Variants in LTV1 observed in about 807,000 individuals in gnomAD.
The protein encoded by LTV1 is LTV1 ribosome biogenesis factor, also known as protein LTV1 homolog.
LTV1 carries 39 observed loss-of-function variants against 59.9 expected under a neutral mutation model. That is an observed-to-expected ratio of 0.65 (90% CI 0.50 to 0.85). The LOEUF is 0.85. Among genes scored for constraint, LTV1 ranks in the 40% least tolerant of loss-of-function variants. The pLI is 0.00. For missense variants in LTV1, 493 were observed against 549.1 expected, an observed-to-expected ratio of 0.90 and a Z score of 1.02; for synonymous variants, 171 against 189.5, an observed-to-expected ratio of 0.90 and a Z score of 0.80.
At chr6:143,860,194 A>C (rs1777139090) in intron 6 of LTV1, among the ~76,000 whole-genome samples, 1 of 152,232 alleles carries the variant, frequency 6.6e-6, no homozygotes. Flanking sequence ...TTTCATTTAC[A>C]TGTTAAATGG....
intron 4 of LTV1, among the ~76,000 whole-genome samples, chr6:143,852,004 T>C (rs934321939): frequency 3.9e-5 from 6 of 152,216 alleles, no homozygotes; most frequent in Admixed American, 2.0e-4. Context: ...TCCAAGTCTT[T>C]GCTATTGTGA....
At position 143,863,167 on chromosome 6, in the gene LTV1, G is replaced by GA; in HGVS notation, c.1201dup (p.Arg401LysfsTer6). ...GAAAGGACTCACAGCAAAGCAAACT[G>GA]AAAGAATACAGATGATTAATGGCAG... On this transcript the variant is annotated frameshift_variant, in exon 10 of 11. Coordinates refer to ENST00000367576, the MANE Select transcript of LTV1 (RefSeq NM_032860.5). LOFTEE classifies it high-confidence loss of function. This position sits in a 1 kb window ranked among gnomAD's most constrained non-coding sequence, Gnocchi z 4.5. The GA allele has an allele frequency of 6.2e-7, 1 of 1,613,906 alleles. No homozygotes were observed. Among genetic ancestry groups the GA allele is most frequent in the Non-Finnish European group, 8.5e-7 (1 of 1,179,890 alleles).
intron 7 of LTV1, among the ~76,000 whole-genome samples, chr6:143,861,301 G>C (rs971980836): frequency 1.3e-5 from 2 of 151,956 alleles, no homozygotes; most frequent in Non-Finnish European, 2.9e-5. Flanking sequence ...GGCTGGGCGT[G>C]GTGGTGTACA....
intron 4 of LTV1, among the ~76,000 whole-genome samples, chr6:143,854,072 G>C (rs1257263059): frequency 6.6e-6 from 1 of 152,150 alleles, no homozygotes; most frequent in Admixed American, 6.6e-5. Flanking sequence ...CTGTGAATCT[G>C]TCTGGTCCTG....
At position 143,843,406 on chromosome 6, in the gene LTV1, C is replaced by T. The variant is rs1776831878; in HGVS notation, c.-72C>T. 3.1e-6 allele frequency: 5 copies of T among 1,603,470 alleles called. No homozygotes were observed. Among genetic ancestry groups the T allele is most frequent in the Non-Finnish European group, 2.6e-6 (3 of 1,174,186 alleles). On this transcript the variant is annotated 5_prime_UTR_variant, in exon 1 of 11. Transcript: ENST00000367576. ...CTACAGAAGCGGCCTTCAGCTGGACCTTGGTCTCCCCGCCGGACTTCGAGG... is the reference window on the plus strand; with the variant it reads ...CTACAGAAGCGGCCTTCAGCTGGACTTTGGTCTCCCCGCCGGACTTCGAGG...
At chr6:143,854,282 G>A (rs1282756428) in intron 4 of LTV1, among the ~76,000 whole-genome samples, 1 of 152,250 alleles carries the variant, frequency 6.6e-6, no homozygotes, top group Middle Eastern at 3.4e-3. Flanking sequence ...ATTTCTGTGG[G>A]ATCGGTGGTG....
chr6:143,863,530 A>G lies in LTV1; in HGVS notation c.*3A>G, dbSNP rs763363137. 3 of 1,602,894 alleles carry G rather than the reference A, an allele frequency of 1.9e-6. No individual in the cohort carries two copies. Among genetic ancestry groups the G allele is most frequent in the Admixed American group, 1.7e-5 (1 of 59,666 alleles). On this transcript the variant is annotated 3_prime_UTR_variant, in exon 11 of 11. Transcript: ENST00000367576. The surrounding 1 kb of genome is among the most constrained non-coding windows in gnomAD (Gnocchi z 4.5). ...ATGTTGAGGGTCTAAAGCTATAGACAGTGGAGCATACAGGGCAAGGCACTT... is the reference window on the plus strand; with the variant it reads ...ATGTTGAGGGTCTAAAGCTATAGACGGTGGAGCATACAGGGCAAGGCACTT...
Position 143,846,052 on chromosome 6 carries a change from TAGAC to T in LTV1, c.139_142del (p.Asp47MetfsTer25). ...GTACTAATTCCATTTCGTTTATAGA[TAGAC>T]AATGAAGAAAGGCGAGCAGAACAGA... On this transcript the variant is annotated frameshift_variant and splice_region_variant, in exon 3 of 11. Coordinates refer to ENST00000367576, the MANE Select transcript of LTV1 (RefSeq NM_032860.5). LOFTEE classifies it high-confidence loss of function. 6.2e-7 allele frequency: 1 copy of T among 1,612,580 alleles called. No individual in the cohort carries two copies.
chr6:143,861,919 A>C (rs1777170487), intron 7 of LTV1, among the ~76,000 whole-genome samples, 185 bp from the exon 8 acceptor site: 1 of 152,192 alleles, frequency 6.6e-6, no homozygotes, highest in African/African-American at 2.4e-5. Flanking sequence ...TCCAAAACTC[A>C]CTGGAGGGAA....
In LTV1 at chr6:143,863,030, G is replaced by A; in HGVS notation, c.1117-56G>A. The A allele has an allele frequency of 6.7e-7, 1 of 1,500,382 alleles. No individual in the cohort carries two copies. The highest frequency in any genetic ancestry group is 9.3e-7 in the Non-Finnish European group (1 of 1,079,792). 92.9% of individuals were successfully genotyped at this position (1,500,382 alleles called of 1,614,324 possible). The stretch of plus-strand genomic sequence containing the variant: ...AGCATCAACAGTATGTCATTAATGA[G>A]CTATTTTTTAATAGGAATGAGAAGT... On this transcript the variant is annotated intron_variant, in intron 9 of 10. Coordinates refer to ENST00000367576, the MANE Select transcript of LTV1 (RefSeq NM_032860.5). The surrounding 1 kb of genome is among the most constrained non-coding windows in gnomAD (Gnocchi z 4.5).
At position 143,847,109 on chromosome 6, in the gene LTV1, G is replaced by A. The variant is rs75678580; in HGVS notation, c.309+885G>A. The stretch of plus-strand genomic sequence containing the variant: ...AGAAAGGTAATAACTGCAGCTGCTC[G>A]TTCACTAAGTAGGTTGTGGCTCTTT... On this transcript the variant is annotated intron_variant, in intron 3 of 10. Transcript: ENST00000367576. 3.2e-3 allele frequency among the ~76,000 whole-genome samples: 492 copies of A among 152,292 alleles called. 1 individual carries two copies. The highest frequency in any genetic ancestry group is 4.9e-3 in the Non-Finnish European group (332 of 68,034).
rs140213656 is a variant in LTV1, at chr6:143,845,020, C to T, written c.135+403C>T. Among the ~76,000 whole-genome samples the T allele has an allele frequency of 7.0e-3, 1,073 of 152,210 alleles. 9 individuals carry two copies. The highest frequency in any genetic ancestry group is 0.023 in the African/African-American group (944 of 41,542). Reference sequence around the variant, plus strand: ...ATTTACCAAAGCACCAGCTACAATGCGGCATGATGTTATTTAGGGCACCGA... The same window carrying T: ...ATTTACCAAAGCACCAGCTACAATGTGGCATGATGTTATTTAGGGCACCGA... On this transcript the variant is annotated intron_variant, in intron 2 of 10. Transcript: ENST00000367576.
chr6:143,862,821 A>C lies in LTV1; in HGVS notation c.1064-23A>C. The C allele has an allele frequency of 7.0e-7, 1 of 1,427,956 alleles. No individual in the cohort carries two copies. The highest frequency in any genetic ancestry group is 9.9e-7 in the Non-Finnish European group (1 of 1,010,936). The allele number at this position is 1,427,956 out of a possible 1,614,324, so 88.5% of individuals were successfully genotyped here. On this transcript the variant is annotated intron_variant, in intron 8 of 10. Coordinates refer to ENST00000367576, the MANE Select transcript of LTV1 (RefSeq NM_032860.5). This position sits in a 1 kb window ranked among gnomAD's most constrained non-coding sequence, Gnocchi z 4.2. The stretch of plus-strand genomic sequence containing the variant: ...GAACTGAAAACATGCTTACTGATAC[A>C]TGACTTTTATTTGTTTGTTTAGGTA...
Position 143,862,721 on chromosome 6 carries a change from CAG to C in LTV1, c.1064-119_1064-118del. The C allele has an allele frequency of 3.0e-6, 2 of 662,200 alleles. No homozygotes were observed. 41.0% of individuals were successfully genotyped at this position (662,200 alleles called of 1,614,324 possible). ...TGTAAGCAATTTATAAAACATTGAT[CAG>C]AGACTCCAGTGTTATTTTGCACTAT... On this transcript the variant is annotated intron_variant, in intron 8 of 10. Coordinates refer to ENST00000367576, the MANE Select transcript of LTV1 (RefSeq NM_032860.5). The surrounding 1 kb of genome is among the most constrained non-coding windows in gnomAD (Gnocchi z 4.2).
chr6:143,860,646 A>C, intron 7 of LTV1, 93 bp downstream of exon 7: 1 of 1,114,296 alleles, frequency 9.0e-7, no homozygotes, highest in East Asian at 2.6e-5. Context: ...GAATTGAGGA[A>C]AAAATTAACC....
At chr6:143,859,780 A>G (rs1777133467) in intron 6 of LTV1, among the ~76,000 whole-genome samples, 1 of 152,222 alleles carries the variant, frequency 6.6e-6, no homozygotes, top group Admixed American at 6.5e-5. Flanking sequence ...CAGTTGCACA[A>G]TCTTTTAGTT....
chr6:143,850,304 T>A, intron 4 of LTV1, 86 bp downstream of exon 4: 1 of 974,222 alleles, frequency 1.0e-6, no homozygotes, highest in Non-Finnish European at 1.6e-6. Flanking sequence ...CTATCCCCAG[T>A]AAAGTATTGA....
In LTV1 at chr6:143,845,903, C is replaced by G. The variant is rs1348507154; in HGVS notation, c.136-148C>G. 7 of 620,914 alleles carry G rather than the reference C, an allele frequency of 1.1e-5. No homozygotes were observed. The East Asian group carries it at 1.8e-4, about 16-fold the overall frequency. The allele number at this position is 620,914 out of a possible 1,614,324, so 38.5% of individuals were successfully genotyped here. On this transcript the variant is annotated intron_variant, in intron 2 of 10. Transcript: ENST00000367576. ...TTGTCAAGAATTCTTTGTCTTTTTC[C>G]CATCAGCCAAAATGTTCATGTGCCA...
chr6:143,844,757 GGCCTCCAAAAGT>G, intron 2 of LTV1, 140 bp downstream of exon 2: 1 of 824,380 alleles, frequency 1.2e-6, no homozygotes, highest in South Asian at 2.5e-5. Flanking sequence ...CTCCCAGCTT[GGCCTCCAAAAGT>G]GCTGGGATTA....
Sources: gnomAD v4.1 joint callset for allele counts (sites outside exome capture counted in the v4.1 genomes callset) on GRCh38, gnomAD v4.1.1 for gene constraint, Gnocchi (gnomAD v3.1) non-coding constraint, MANE v1.5 for transcripts, NCBI Gene and HGNC (gene_info 2026-07-23, HGNC 2026-07-21) for gene names.